The following CREB3L3 variants were observed in gnomAD, a reference collection of about 807,000 sequenced individuals.
The protein encoded by CREB3L3 is cAMP responsive element binding protein 3 like 3, also known as cyclic AMP-responsive element-binding protein 3-like protein 3.
In CREB3L3, 40 loss-of-function variants were observed where a neutral mutation model predicts 44.6. The observed-to-expected ratio is 0.90, with a 90% CI of 0.70 to 1.17. The LOEUF (loss-of-function observed/expected upper bound fraction) is 1.17, where lower values mean the gene tolerates loss of function less well. Ranked by LOEUF, CREB3L3 falls within the 50% of genes most tolerant of loss-of-function variation. The pLI, the probability that CREB3L3 is intolerant of heterozygous loss-of-function variation, is 0.00. For synonymous variants in CREB3L3, 273 were observed against 256.3 expected (o/e 1.06, Z -0.62); for missense variants, 578 against 595.8 (o/e 0.97, Z 0.31).
At chr19:4,165,339 ATT>A (rs34585723) in intron 5 of CREB3L3, among the ~76,000 whole-genome samples, 2,198 of 138,136 alleles carry the variant, frequency 0.016, 50 homozygotes, top group African/African-American at 0.055. Context: ...GGCTAATTTA[ATT>A]TTTTTTTTTT....
chr19:4,170,757 A>C lies in CREB3L3; in HGVS notation c.891-334A>C, dbSNP rs1349120627. 3.3e-5 allele frequency among the ~76,000 whole-genome samples: 5 copies of C among 150,918 alleles called. No homozygotes were observed. In the South Asian group the frequency reaches 1.0e-3, roughly 32 times the overall value. ...ACCCCGTCTCTACTAAAAATACAAAAAAAATTAGCTGGGTGTGGTGGTGGG... is the reference window on the plus strand; with the variant it reads ...ACCCCGTCTCTACTAAAAATACAAACAAAATTAGCTGGGTGTGGTGGTGGG... On this transcript the variant is annotated intron_variant, in intron 7 of 9. Coordinates refer to ENST00000078445, the MANE Select transcript of CREB3L3 (RefSeq NM_032607.3).
At chr19:4,170,595 G>C (rs1388686389) in intron 7 of CREB3L3, among the ~76,000 whole-genome samples, 1 of 150,734 alleles carries the variant, frequency 6.6e-6, no homozygotes, top group Non-Finnish European at 1.5e-5. Flanking sequence ...CTGGGTGACA[G>C]AGCAAGGCTC....
rs753895674 is a variant in CREB3L3, at chr19:4,168,314, T to G, written c.715-37T>G. 12 of 1,562,938 alleles carry G rather than the reference T, an allele frequency of 7.7e-6. No homozygotes were observed. The South Asian group carries it at 1.3e-4, about 17-fold the overall frequency. ...GCCCCCGGACTCCAAGTGGGGACTTTCTGGCCTGAAACCCTCCTCCCCATT... is the reference window on the plus strand; with the variant it reads ...GCCCCCGGACTCCAAGTGGGGACTTGCTGGCCTGAAACCCTCCTCCCCATT... On this transcript the variant is annotated intron_variant, in intron 5 of 9. Transcript: ENST00000078445.
Position 4,171,520 on chromosome 19 carries a change from C to T in CREB3L3, c.1072+41C>T. 2 of 1,608,628 alleles carry T rather than the reference C, an allele frequency of 1.2e-6. No homozygotes were observed. The highest frequency in any genetic ancestry group is 1.7e-6 in the Non-Finnish European group (2 of 1,175,236). ...CTTTGAAACCCTTGTCTGGTCTCCCCAAGTCCCCGTCCTGGGCCTCTGGGG... is the reference window on the plus strand; with the variant it reads ...CTTTGAAACCCTTGTCTGGTCTCCCTAAGTCCCCGTCCTGGGCCTCTGGGG... On this transcript the variant is annotated intron_variant, in intron 9 of 9. Coordinates refer to ENST00000078445, the MANE Select transcript of CREB3L3 (RefSeq NM_032607.3). This position sits in a 1 kb window ranked among gnomAD's most constrained non-coding sequence, Gnocchi z 4.9.
rs758065613 is a variant in CREB3L3, at chr19:4,171,644, T to A, written c.1073-12T>A. 6 of 1,613,082 alleles carry A rather than the reference T, an allele frequency of 3.7e-6. No homozygotes were observed. In the Admixed American group the frequency reaches 1.0e-4, roughly 27 times the overall value. On this transcript the variant is annotated splice_polypyrimidine_tract_variant and intron_variant, in intron 9 of 9. Coordinates refer to ENST00000078445, the MANE Select transcript of CREB3L3 (RefSeq NM_032607.3). The surrounding 1 kb of genome is among the most constrained non-coding windows in gnomAD (Gnocchi z 4.9). ...CACCTTGTCCCCTGTGATGCCCCCC[T>A]TCCCCAATCAGTGTTCTCCAGAACT...
Position 4,171,873 on chromosome 19 carries a change from G to A in CREB3L3, c.1290G>A (p.Glu430=), listed in dbSNP as rs375438851. The part of the protein sequence containing the change: ...NATLVLRNAT[E]GLGQVALLDW... Reference sequence around the variant, plus strand: ...CCCTGGTCCTGAGGAATGCAACAGAGGGGCTGGGCCAGGTCGCCCTGCTGG... The same window carrying A: ...CCCTGGTCCTGAGGAATGCAACAGAAGGGCTGGGCCAGGTCGCCCTGCTGG... The change falls in exon 10 of 10, where the codon GAG becomes GAA. Residue 430 remains glutamate (E), a synonymous_variant. Transcript: ENST00000078445. The surrounding 1 kb of genome is among the most constrained non-coding windows in gnomAD (Gnocchi z 4.9). 5 of 1,613,418 alleles carry A rather than the reference G, an allele frequency of 3.1e-6. No individual in the cohort carries two copies. The highest frequency in any genetic ancestry group is 4.2e-6 in the Non-Finnish European group (5 of 1,179,962).
chr19:4,171,572 G>A lies in CREB3L3; in HGVS notation c.1073-84G>A. Reference sequence around the variant, plus strand: ...AGGGGGAGAAGACCCCTGTGCCCTTGTTCCCTGAGGCTGGGGGCCAGGGAA... The same window carrying A: ...AGGGGGAGAAGACCCCTGTGCCCTTATTCCCTGAGGCTGGGGGCCAGGGAA... On this transcript the variant is annotated intron_variant, in intron 9 of 9. Coordinates refer to ENST00000078445, the MANE Select transcript of CREB3L3 (RefSeq NM_032607.3). The surrounding 1 kb of genome is among the most constrained non-coding windows in gnomAD (Gnocchi z 4.9). The A allele has an allele frequency of 8.1e-6, 13 of 1,599,562 alleles. No homozygotes were observed. Among genetic ancestry groups the A allele is most frequent in the Non-Finnish European group, 1.1e-5 (13 of 1,167,150 alleles).
intron 3 of CREB3L3, among the ~76,000 whole-genome samples, chr19:4,159,419 G>A (rs2041629934): frequency 6.6e-6 from 1 of 152,194 alleles, no homozygotes; most frequent in African/African-American, 2.4e-5. Context: ...CCAAAGTGCT[G>A]GGAATACAGG....
chr19:4,158,007 A>G (rs1417233162), intron 3 of CREB3L3, among the ~76,000 whole-genome samples: 1 of 152,092 alleles, frequency 6.6e-6, no homozygotes, highest in Non-Finnish European at 1.5e-5. Context: ...ATAAAAGTGC[A>G]TGAGGTTACC....
chr19:4,156,470 A>ACAT (rs2041579064), intron 2 of CREB3L3, among the ~76,000 whole-genome samples: 1 of 149,158 alleles, frequency 6.7e-6, no homozygotes, highest in African/African-American at 2.5e-5. Flanking sequence ...TACAGGCCTG[A>ACAT]GCCACCGTGC....
At chr19:4,168,294 C>T (rs1350873069) in intron 5 of CREB3L3, 57 bp from the exon 6 acceptor site, 23 of 1,382,496 alleles carry the variant, frequency 1.7e-5, no homozygotes, top group East Asian at 7.2e-5. Flanking sequence ...CTACTGCCCC[C>T]GGACTCCAAG....
Position 4,171,144 on chromosome 19 carries a change from G to C in CREB3L3, c.944G>C (p.Ser315Thr). 1 of 1,614,144 alleles carries C rather than the reference G, an allele frequency of 6.2e-7. No homozygotes were observed. The highest frequency in any genetic ancestry group is 1.1e-5 in the South Asian group (1 of 91,080). ...CAGGCCATTGTGGTGCAGTCCACCA[G>C]CAAGTCAGCCCAGACAGGCACCTGT... is the stretch of plus-strand genomic sequence containing the variant. ...KLQAIVVQST[S>T]KSAQTGTCVA... Residue 315 changes from serine to threonine, a missense_variant, in exon 8 of 10, where the codon AGC becomes ACC. By Grantham distance (58) the Ser-to-Thr change is moderately conservative. Coordinates refer to ENST00000078445, the MANE Select transcript of CREB3L3 (RefSeq NM_032607.3). The surrounding 1 kb of genome is among the most constrained non-coding windows in gnomAD (Gnocchi z 4.9).
In CREB3L3 at chr19:4,171,278, G is replaced by A; in HGVS notation, c.975+103G>A. On this transcript the variant is annotated intron_variant, in intron 8 of 9. Transcript: ENST00000078445. The surrounding 1 kb of genome is among the most constrained non-coding windows in gnomAD (Gnocchi z 4.9). ...AAGCTCTCCTTGTGCCCCAGCTCAA[G>A]TATGATCCAGTCTGGTCTTTGGGGC... The A allele has an allele frequency of 1.4e-6, 2 of 1,425,206 alleles. No homozygotes were observed. The highest frequency in any genetic ancestry group is 9.8e-7 in the Non-Finnish European group (1 of 1,019,276). The allele number at this position is 1,425,206 out of a possible 1,614,324, so 88.3% of individuals were successfully genotyped here.
chr19:4,171,963 G>T lies in CREB3L3; in HGVS notation c.1380G>T (p.Glu460Asp). The change falls in exon 10 of 10, where the codon GAG (glutamate) becomes GAT (aspartate). Residue 460 changes from glutamate to aspartate, a missense_variant. Coordinates refer to ENST00000078445, the MANE Select transcript of CREB3L3 (RefSeq NM_032607.3). This position sits in a 1 kb window ranked among gnomAD's most constrained non-coding sequence, Gnocchi z 4.9. ...CAGGGCTGGAGGCGGCGGGAGACGA[G>T]CTGTGAGCCCCGCCAGGACTATGCT... ...GRAGLEAAGD[E>D]L The T allele has an allele frequency of 6.3e-7, 1 of 1,594,704 alleles. No homozygotes were observed. The highest frequency in any genetic ancestry group is 1.1e-5 in the South Asian group (1 of 89,652).
intron 2 of CREB3L3, among the ~76,000 whole-genome samples, chr19:4,155,342 C>G (rs1210417290): frequency 6.6e-6 from 1 of 151,294 alleles, no homozygotes; most frequent in Non-Finnish European, 1.5e-5. Context: ...CCTTCCTCTC[C>G]TTCCTTTCTC....
intron 4 of CREB3L3, among the ~76,000 whole-genome samples, chr19:4,160,434 C>A (rs1490834878): frequency 6.6e-6 from 1 of 150,948 alleles, no homozygotes; most frequent in Non-Finnish European, 1.5e-5. Context: ...TGCAGTGGCG[C>A]AATCCTAGCT....
At chr19:4,169,234 G>T (rs1966989474) in intron 6 of CREB3L3, among the ~76,000 whole-genome samples, 1 of 151,634 alleles carries the variant, frequency 6.6e-6, no homozygotes, top group African/African-American at 2.4e-5. Flanking sequence ...GCTCACACTT[G>T]TAATCCCAGC....
chr19:4,159,149 C>T (rs2041626757), intron 3 of CREB3L3, among the ~76,000 whole-genome samples: 1 of 149,664 alleles, frequency 6.7e-6, no homozygotes, highest in Non-Finnish European at 1.5e-5. Context: ...AATTTGGGTC[C>T]CCATCTTTTT....
rs1967062574 is a variant in CREB3L3, at chr19:4,171,998, C to T, written c.*29C>T. ...CCGCCAGGACTATGCTCCCAGGCCC[C>T]TCTGCCCAGGGGTGCCTTGGGGATG... On this transcript the variant is annotated 3_prime_UTR_variant, in exon 10 of 10. Transcript: ENST00000078445. This position sits in a 1 kb window ranked among gnomAD's most constrained non-coding sequence, Gnocchi z 4.9. 1 of 1,550,728 alleles carries T rather than the reference C, an allele frequency of 6.4e-7. No individual in the cohort carries two copies. The highest frequency in any genetic ancestry group is 1.9e-5 in the Admixed American group (1 of 52,632).
Sources: gnomAD v4.1 joint callset for allele counts (sites outside exome capture counted in the v4.1 genomes callset) on GRCh38, gnomAD v4.1.1 for gene constraint, Gnocchi (gnomAD v3.1) non-coding constraint, MANE v1.5 for transcripts, NCBI Gene and HGNC (gene_info 2026-07-23, HGNC 2026-07-21) for gene names.